CNTNAP5: variants seen among roughly 807,000 people sequenced by gnomAD.
CNTNAP5 encodes the protein contactin-associated protein-like 5.
Under a neutral mutation model 150.2 loss-of-function variants are expected in CNTNAP5, and 72 were observed. The ratio of observed to expected loss-of-function variants is 0.48; its 90% CI spans 0.40 to 0.58. CNTNAP5 has a LOEUF of 0.58. CNTNAP5 is among the 20% of genes least tolerant of loss of function. The pLI, the probability that CNTNAP5 is intolerant of heterozygous loss-of-function variation, is 0.00. For missense variants in CNTNAP5, 1,636 were observed against 1,626.2 expected (o/e 1.01, Z -0.10); for synonymous variants, 672 against 619.8 (o/e 1.08, Z -1.25).
chr2:124,758,239 ACT>A (rs1680883089), intron 14 of CNTNAP5, among the ~76,000 whole-genome samples: 1 of 151,830 alleles, frequency 6.6e-6, no homozygotes, highest in African/African-American at 2.4e-5. Flanking sequence ...AGAAATGAAG[ACT>A]CTTATGCTTA....
intron 13 of CNTNAP5, among the ~76,000 whole-genome samples, chr2:124,685,088 G>A (rs1474422041): frequency 6.6e-6 from 1 of 152,090 alleles, no homozygotes; most frequent in African/African-American, 2.4e-5. Context: ...GATAGCCTCT[G>A]AGGTACACAA....
rs1247150633 is a variant in CNTNAP5, at chr2:124,451,075, T to TAC, written c.918+4139_918+4140insCA. Among the ~76,000 whole-genome samples, 620 of 81,736 alleles carry TAC rather than the reference T, an allele frequency of 7.6e-3. 4 individuals carry two copies. Among genetic ancestry groups the TAC allele is most frequent in the African/African-American group, 0.021 (445 of 20,920 alleles). The allele number at this position is 81,736 out of a possible 152,430, so 53.6% of individuals were successfully genotyped here. On this transcript the variant is annotated intron_variant, in intron 6 of 23. Transcript: ENST00000682447. ...AAATATATATATATATATATATATA[T>TAC]ATACACACACACACACACACACATA...
chr2:124,271,835 C>T (rs1558829172), intron 3 of CNTNAP5, among the ~76,000 whole-genome samples: 1 of 152,074 alleles, frequency 6.6e-6, no homozygotes, highest in Non-Finnish European at 1.5e-5. Flanking sequence ...CTGCCTCAGC[C>T]TCTTGAGTAC....
Position 124,082,044 on chromosome 2 carries a change from T to G in CNTNAP5, c.82+56312T>G. On this transcript the variant is annotated intron_variant, in intron 1 of 23. Coordinates refer to ENST00000682447, the MANE Select transcript of CNTNAP5 (RefSeq NM_001367498.1). ...CCTGTAATTTTTGTCCTATTATGAA[T>G]GTTATATAAAAGGACTCACACAGGG... Among the ~76,000 whole-genome samples, 2 of 152,170 alleles carry G rather than the reference T, an allele frequency of 1.3e-5. 1 individual carries two copies. Among genetic ancestry groups the G allele is most frequent in the Admixed American group, 1.3e-4 (2 of 15,282 alleles).
intron 7 of CNTNAP5, among the ~76,000 whole-genome samples, chr2:124,495,323 G>A (rs181705357): frequency 3.5e-4 from 54 of 152,222 alleles, no homozygotes; most frequent in Non-Finnish European, 6.5e-4. Context: ...AGTGTCAAAA[G>A]GAGTATTAAT....
At chr2:124,168,325 G>A (rs188355342) in intron 1 of CNTNAP5, among the ~76,000 whole-genome samples, 239 of 152,320 alleles carry the variant, frequency 1.6e-3, no homozygotes, top group African/African-American at 5.4e-3. Context: ...GACTGTTAGA[G>A]AGCAGAAGGT....
rs377299473 is a variant in CNTNAP5 at position 124,139,150 on chromosome 2, C to T, written c.83-82555C>T. Among the ~76,000 whole-genome samples the T allele has an allele frequency of 1.3e-4, 19 of 151,784 alleles. No individual in the cohort carries two copies. In the East Asian group the frequency reaches 3.1e-3, roughly 25 times the overall value. ...TTCCCCCATAAGACTATGAGCCACTCGAAAACAAAGGTCAAGCTTTCTAAT... is the reference window on the plus strand; with the variant it reads ...TTCCCCCATAAGACTATGAGCCACTTGAAAACAAAGGTCAAGCTTTCTAAT... On this transcript the variant is annotated intron_variant, in intron 1 of 23. Coordinates refer to ENST00000682447, the MANE Select transcript of CNTNAP5 (RefSeq NM_001367498.1).
chr2:124,437,865 G>T (rs1481141358), intron 5 of CNTNAP5, among the ~76,000 whole-genome samples: 2 of 152,094 alleles, frequency 1.3e-5, no homozygotes, highest in Non-Finnish European at 2.9e-5. Flanking sequence ...GAGAGTTTTG[G>T]TTTTTCCCTC....
At position 124,357,850 on chromosome 2, in the gene CNTNAP5, A is replaced by T. The variant is rs918701825; in HGVS notation, c.382-59593A>T. Among the ~76,000 whole-genome samples, 32 of 149,494 alleles carry T rather than the reference A, an allele frequency of 2.1e-4. No individual in the cohort carries two copies. In the South Asian group the frequency reaches 5.4e-3, roughly 25 times the overall value. On this transcript the variant is annotated intron_variant, in intron 3 of 23. Transcript: ENST00000682447. ...TTTTTCCAATTCTGTGAAGAAAGTC[A>T]TTGGTAGCTTGATGGGGATGGCATT...
intron 1 of CNTNAP5, among the ~76,000 whole-genome samples, chr2:124,152,903 T>C (rs1300264269): frequency 6.6e-6 from 1 of 152,160 alleles, no homozygotes; most frequent in Non-Finnish European, 1.5e-5. Flanking sequence ...ATGAAAATCA[T>C]CCTCATTCAT....
chr2:124,117,968 C>A (rs181959913), intron 1 of CNTNAP5, among the ~76,000 whole-genome samples: 230 of 152,176 alleles, frequency 1.5e-3, no homozygotes, highest in Non-Finnish European at 2.5e-3. Flanking sequence ...AACCTGTAGT[C>A]CCAGCTACAT....
intron 4 of CNTNAP5, among the ~76,000 whole-genome samples, chr2:124,432,816 G>T (rs1414851293): frequency 6.6e-6 from 1 of 152,138 alleles, no homozygotes; most frequent in African/African-American, 2.4e-5. Flanking sequence ...GCATCATTTG[G>T]GGTAAGAAGG....
At chr2:124,050,099 G>A (rs896702470) in intron 1 of CNTNAP5, among the ~76,000 whole-genome samples, 1 of 151,964 alleles carries the variant, frequency 6.6e-6, no homozygotes, top group East Asian at 1.9e-4. Flanking sequence ...AATACCTTAA[G>A]CATACTACTT....
intron 2 of CNTNAP5, among the ~76,000 whole-genome samples, chr2:124,223,925 C>T (rs866537413): frequency 1.1e-4 from 17 of 151,558 alleles, no homozygotes; most frequent in Middle Eastern, 3.2e-3. Context: ...TTCCAAGACT[C>T]CCAAGGGGGA....
At chr2:124,247,128 C>T (rs1189796406) in intron 3 of CNTNAP5, among the ~76,000 whole-genome samples, 2 of 152,172 alleles carry the variant, frequency 1.3e-5, no homozygotes, top group African/African-American at 4.8e-5. Flanking sequence ...GGGAGATGCT[C>T]TCTGATCTTC....
intron 20 of CNTNAP5, among the ~76,000 whole-genome samples, chr2:124,867,884 A>T (rs1273192511): frequency 6.6e-6 from 1 of 152,198 alleles, no homozygotes; most frequent in Non-Finnish European, 1.5e-5. Flanking sequence ...ATATTTAAGT[A>T]AATAGTTAAA....
chr2:124,120,890 T>C (rs1683544200), intron 1 of CNTNAP5, among the ~76,000 whole-genome samples: 1 of 152,186 alleles, frequency 6.6e-6, no homozygotes, highest in African/African-American at 2.4e-5. Context: ...CAAAAGATGC[T>C]CTTCTTTTTA....
chr2:124,819,334 G>A (rs1682436333), intron 19 of CNTNAP5, among the ~76,000 whole-genome samples: 2 of 151,994 alleles, frequency 1.3e-5, no homozygotes, highest in Non-Finnish European at 1.5e-5. Context: ...TTTTACATTA[G>A]TCATATTGAA....
At chr2:124,857,822 C>T (rs988359979) in intron 19 of CNTNAP5, among the ~76,000 whole-genome samples, 2 of 151,182 alleles carry the variant, frequency 1.3e-5, no homozygotes, top group African/African-American at 4.9e-5. Context: ...AGTGACACTT[C>T]ATGAAAAAAA....
Sources: gnomAD v4.1 joint callset for allele counts (sites outside exome capture counted in the v4.1 genomes callset) on GRCh38, gnomAD v4.1.1 for gene constraint, MANE v1.5 for transcripts, NCBI Gene and HGNC (gene_info 2026-07-23, HGNC 2026-07-21) for gene names.